NEDD4L: variants seen among roughly 807,000 people sequenced by gnomAD.
NEDD4L encodes NEDD4 like E3 ubiquitin protein ligase, also known as E3 ubiquitin-protein ligase NEDD4-like.
NEDD4L carries 54 observed loss-of-function variants against 148.9 expected under a neutral mutation model. The ratio of observed to expected loss-of-function variants is 0.36; its 90% confidence interval spans 0.29 to 0.45. The LOEUF (loss-of-function observed/expected upper bound fraction) is 0.45. Among genes scored for constraint, NEDD4L ranks in the 20% least tolerant of loss-of-function variants. The probability of loss-of-function intolerance (pLI) is 1.00; values close to 1 mark genes in which losing one functional copy is unlikely to be tolerated. For synonymous variants in NEDD4L, 433 were observed against 440.7 expected, an observed-to-expected ratio of 0.98 and a Z score of 0.22; for missense variants, 856 against 1,233.8, an observed-to-expected ratio of 0.69 and a Z score of 4.59.
intron 1 of NEDD4L, among the ~76,000 whole-genome samples, chr18:58,075,632 G>A (rs1266546142): frequency 6.6e-6 from 1 of 152,086 alleles, no homozygotes; most frequent in Non-Finnish European, 1.5e-5. Flanking sequence ...ACTTTTAAGA[G>A]TATTTTTTTC....
chr18:58,358,633 G>C (rs1483024156), intron 19 of NEDD4L, among the ~76,000 whole-genome samples: 3 of 127,510 alleles, frequency 2.4e-5, no homozygotes, highest in Non-Finnish European at 4.8e-5. Flanking sequence ...AGAGCTCTCT[G>C]CTTTCTGTTA....
At chr18:58,230,414 C>CTTTT (rs66531634) in intron 2 of NEDD4L, among the ~76,000 whole-genome samples, 2 of 146,178 alleles carry the variant, frequency 1.4e-5, no homozygotes, top group Non-Finnish European at 3.0e-5. Context: ...TGTGAAGCTT[C>CTTTT]TTCTTTTTTT....
chr18:58,155,309 A>C (rs1387085541), intron 1 of NEDD4L, among the ~76,000 whole-genome samples: 3 of 148,354 alleles, frequency 2.0e-5, no homozygotes, highest in African/African-American at 7.4e-5. Context: ...TGATAGTTTT[A>C]AGTTTAAAAA....
chr18:58,056,894 C>CTTTTTTTTTTTTTTTTTT (rs74183230), intron 1 of NEDD4L, among the ~76,000 whole-genome samples: 3 of 121,598 alleles, frequency 2.5e-5, no homozygotes, highest in East Asian at 2.9e-4. Flanking sequence ...GCTATGCCCT[C>CTTTTTTTTTTTTTTTTTT]TTTTTTTTTT....
At chr18:58,278,869 TTTTA>T (rs1254698755) in intron 5 of NEDD4L, among the ~76,000 whole-genome samples, 1 of 152,148 alleles carries the variant, frequency 6.6e-6, no homozygotes, top group African/African-American at 2.4e-5. Flanking sequence ...ATACTTTTAT[TTTTA>T]TTTATTTATT....
At chr18:58,352,211 C>T (rs1204461324) in intron 18 of NEDD4L, among the ~76,000 whole-genome samples, 3 of 152,106 alleles carry the variant, frequency 2.0e-5, no homozygotes, top group African/African-American at 7.2e-5. Context: ...GTCAACTGTC[C>T]AGAATTTCAT....
rs35545013 is a variant in NEDD4L at position 58,398,157 on chromosome 18, T to TAAAAAAAAAAAAAAAAAAAAAAAAAAAA, written c.*1898_*1925dup. The TAAAAAAAAAAAAAAAAAAAAAAAAAAAA allele has an allele frequency of 3.2e-5, 1 of 30,984 alleles. No homozygotes were observed. The highest frequency in any genetic ancestry group is 9.2e-5 in the African/African-American group (1 of 10,904). The allele number at this position is 30,984 out of a possible 1,614,324, so 1.9% of individuals were successfully genotyped here. The stretch of plus-strand genomic sequence containing the variant: ...TCAGAAAACTTAGATGCTATGTAAC[T>TAAAAAAAAAAAAAAAAAAAAAAAAAAAA]AAAAAAAAAAAAAAAAAAAAAAAAA... On this transcript the variant is annotated 3_prime_UTR_variant, in exon 31 of 31. Coordinates refer to ENST00000400345, the MANE Select transcript of NEDD4L (RefSeq NM_001144967.3).
intron 25 of NEDD4L, among the ~76,000 whole-genome samples, chr18:58,384,515 T>C (rs1568928214): frequency 6.6e-6 from 1 of 152,230 alleles, no homozygotes. Flanking sequence ...TAGCTCAGGG[T>C]GACCCAGGTC....
chr18:58,163,540 G>A (rs2036485540), intron 1 of NEDD4L, among the ~76,000 whole-genome samples: 1 of 152,214 alleles, frequency 6.6e-6, no homozygotes, highest in South Asian at 2.1e-4. Flanking sequence ...TCCCTGACTT[G>A]CCTGGTGTTA....
chr18:58,096,584 A>AGTAGAG (rs1480949405), intron 1 of NEDD4L, among the ~76,000 whole-genome samples: 9 of 151,814 alleles, frequency 5.9e-5, no homozygotes, highest in South Asian at 2.1e-4. Context: ...TTGTATTTTT[A>AGTAGAG]GTAGAGATGG....
chr18:58,220,196 C>G (rs1325336186), intron 2 of NEDD4L, among the ~76,000 whole-genome samples: 3 of 152,190 alleles, frequency 2.0e-5, no homozygotes, highest in Admixed American at 6.5e-5. Context: ...GGGTGGATCA[C>G]TTGAGGCCAG....
At chr18:58,279,695 G>C (rs1427193535) in intron 5 of NEDD4L, among the ~76,000 whole-genome samples, 1 of 152,190 alleles carries the variant, frequency 6.6e-6, no homozygotes, top group Non-Finnish European at 1.5e-5. Flanking sequence ...ACTTTTTGTT[G>C]CACATGCTCT....
chr18:58,343,745 G>A (rs1021095680), intron 16 of NEDD4L, among the ~76,000 whole-genome samples: 6 of 152,132 alleles, frequency 3.9e-5, no homozygotes, highest in African/African-American at 1.4e-4. Flanking sequence ...GTATTATCTT[G>A]AGCAAAATGA....
chr18:58,356,217 C>A (rs540842003), intron 18 of NEDD4L, among the ~76,000 whole-genome samples: 1 of 152,156 alleles, frequency 6.6e-6, no homozygotes, highest in African/African-American at 2.4e-5. Context: ...CTCAGCCCCC[C>A]AAAGTATTGG....
At chr18:58,362,342 A>G (rs1601707703) in intron 19 of NEDD4L, among the ~76,000 whole-genome samples, 2 of 152,262 alleles carry the variant, frequency 1.3e-5, no homozygotes, top group East Asian at 3.8e-4. Context: ...TCACGAATAC[A>G]GGAACAAACA....
At chr18:58,331,185 A>T (rs1331953984) in intron 11 of NEDD4L, among the ~76,000 whole-genome samples, 2 of 152,112 alleles carry the variant, frequency 1.3e-5, no homozygotes, top group Admixed American at 6.5e-5. Context: ...AAGAAGTAAA[A>T]CTCCATGATG....
At chr18:58,341,257 G>C in intron 14 of NEDD4L, 88 bp downstream of exon 14, 1 of 1,420,286 alleles carries the variant, frequency 7.0e-7, no homozygotes, top group Non-Finnish European at 9.5e-7. Flanking sequence ...TTTATGTATT[G>C]TTCTGAAAGA....
At chr18:58,149,404 C>T in intron 1 of NEDD4L, 6 of 1,493,246 alleles carry the variant, frequency 4.0e-6, no homozygotes, top group Non-Finnish European at 5.4e-6. Context: ...CTCCTGTGAC[C>T]TTGTCACCCG....
At chr18:58,102,394 C>G (rs17693634) in intron 1 of NEDD4L, among the ~76,000 whole-genome samples, 4,242 of 152,230 alleles carry the variant, frequency 0.028, 105 homozygotes, top group Non-Finnish European at 0.039. Context: ...ATAATCAGAA[C>G]CAGAAAGTGA....
Sources: allele counts gnomAD v4.1 joint callset (sites outside exome capture counted in the v4.1 genomes callset), GRCh38; gene constraint gnomAD v4.1.1; transcripts MANE v1.5; gene names NCBI Gene and HGNC (gene_info 2026-07-23, HGNC 2026-07-21).